NCKAP1: variants seen among roughly 807,000 people sequenced by gnomAD.
NCKAP1 encodes nck-associated protein 1.
Under a neutral mutation model 151.2 loss-of-function variants are expected in NCKAP1, and 21 were observed. The observed-to-expected ratio is 0.14, with a 90% CI of 0.10 to 0.20. The LOEUF (loss-of-function observed/expected upper bound fraction) is 0.20, where lower values mean the gene tolerates loss of function less well. Ranked by LOEUF, NCKAP1 falls within the 10% of genes least tolerant of loss-of-function variation. NCKAP1 has a pLI of 1.00. For missense variants in NCKAP1, 933 were observed against 1,352.1 expected (o/e 0.69, Z 4.86); for synonymous variants, 484 against 451.8 (o/e 1.07, Z -0.90).
At chr2:182,941,748 G>T (rs1697000477) in intron 24 of NCKAP1, among the ~76,000 whole-genome samples, 1 of 152,162 alleles carries the variant, frequency 6.6e-6, no homozygotes, top group South Asian at 2.1e-4. Context: ...AACAGGCTCA[G>T]AAGCTAATCC....
intron 8 of NCKAP1, among the ~76,000 whole-genome samples, chr2:182,989,441 C>A (rs759672176): frequency 1.3e-5 from 2 of 152,146 alleles, no homozygotes; most frequent in Non-Finnish European, 2.9e-5. Context: ...GGTTATGAAC[C>A]AAGTCATTTT....
intron 23 of NCKAP1, among the ~76,000 whole-genome samples, chr2:182,943,389 C>A (rs995362635): frequency 2.0e-5 from 3 of 152,056 alleles, no homozygotes; most frequent in African/African-American, 7.2e-5. Flanking sequence ...CAGATTGTTT[C>A]TTATTATGCT....
intron 15 of NCKAP1, 105 bp downstream of exon 15, chr2:182,976,788 A>C: frequency 1.9e-6 from 1 of 538,862 alleles, no homozygotes; most frequent in Non-Finnish European, 2.9e-6. Context: ...ATACAAAAGA[A>C]ATATTTTCAA....
chr2:183,034,493 T>C (rs952548001), intron 1 of NCKAP1, among the ~76,000 whole-genome samples: 5 of 151,912 alleles, frequency 3.3e-5, no homozygotes, highest in African/African-American at 1.2e-4. Flanking sequence ...TAATCTCATG[T>C]TGGTAATGGT....
At chr2:182,943,265 G>A (rs1417007865) in intron 23 of NCKAP1, among the ~76,000 whole-genome samples, 9 of 152,030 alleles carry the variant, frequency 5.9e-5, no homozygotes, top group Non-Finnish European at 1.2e-4. Context: ...TTTTACAAAC[G>A]AAAGGTTGAT....
chr2:182,968,033 T>C (rs950546222), intron 15 of NCKAP1, among the ~76,000 whole-genome samples: 1 of 152,176 alleles, frequency 6.6e-6, no homozygotes, highest in Non-Finnish European at 1.5e-5. Flanking sequence ...ATAAGTACTG[T>C]TTGTTACGGC....
At chr2:182,958,606 A>C (rs1391316180) in intron 18 of NCKAP1, among the ~76,000 whole-genome samples, 1 of 152,272 alleles carries the variant, frequency 6.6e-6, no homozygotes, top group Non-Finnish European at 1.5e-5. Context: ...GATCTGAGAC[A>C]GACTTCTGAG....
chr2:182,948,479 T>C (rs1697151596), intron 23 of NCKAP1, among the ~76,000 whole-genome samples: 2 of 152,098 alleles, frequency 1.3e-5, no homozygotes, highest in Admixed American at 1.3e-4. Context: ...AAGAGAGAAA[T>C]GTTAAAACAT....
At chr2:183,032,636 ATT>A (rs745674913) in intron 1 of NCKAP1, among the ~76,000 whole-genome samples, 71 of 152,332 alleles carry the variant, frequency 4.7e-4, no homozygotes, top group South Asian at 2.7e-3. Context: ...GCAGTCCATC[ATT>A]TCAGTGTTAT....
chr2:183,038,320 G>A lies in NCKAP1; in HGVS notation c.-221C>T, dbSNP rs1008640043. On this transcript the variant is annotated 5_prime_UTR_variant, in exon 1 of 31. Coordinates refer to ENST00000361354, the MANE Select transcript of NCKAP1 (RefSeq NM_013436.5). The stretch of plus-strand genomic sequence containing the variant: ...TCCCGCAGCAGCCCGCGCCCCGGCA[G>A]CCTCCTGCCTTCCGCCCGCCGCCCT... 7 of 347,008 alleles carry A rather than the reference G, an allele frequency of 2.0e-5. No individual in the cohort carries two copies. The highest frequency in any genetic ancestry group is 1.5e-4 in the African/African-American group (7 of 46,300). The allele number at this position is 347,008 out of a possible 1,614,324, so 21.5% of individuals were successfully genotyped here. A position where few individuals can be genotyped will look rare whatever the true frequency, so the allele number is the denominator to read the frequency against.
At chr2:182,953,380 C>T (rs775738044) in intron 20 of NCKAP1, 49 bp from the exon 21 acceptor site, 7 of 1,352,722 alleles carry the variant, frequency 5.2e-6, no homozygotes, top group Non-Finnish European at 7.2e-6. Context: ...CTTTTCCATT[C>T]ATGTAAAATA....
intron 17 of NCKAP1, among the ~76,000 whole-genome samples, chr2:182,964,405 T>G (rs1245319585): frequency 2.0e-5 from 3 of 152,150 alleles, no homozygotes; most frequent in South Asian, 2.1e-4. Flanking sequence ...TATATAAATC[T>G]TTTCCACAGA....
intron 2 of NCKAP1, among the ~76,000 whole-genome samples, chr2:183,006,126 A>C (rs1047197370): frequency 1.3e-5 from 2 of 152,254 alleles, no homozygotes; most frequent in African/African-American, 4.8e-5. Flanking sequence ...CTATCAGATA[A>C]GGGATTATAA....
intron 25 of NCKAP1, 120 bp downstream of exon 25, chr2:182,935,173 C>A: frequency 1.3e-6 from 1 of 770,418 alleles, no homozygotes. Context: ...TCTGTAACTA[C>A]TAAAACTGGA....
chr2:182,951,385 T>C (rs879449851), intron 23 of NCKAP1, among the ~76,000 whole-genome samples: 3 of 151,492 alleles, frequency 2.0e-5, no homozygotes, highest in Admixed American at 6.6e-5. Context: ...AAACTAAAAA[T>C]TGGCCAGGCA....
intron 1 of NCKAP1, among the ~76,000 whole-genome samples, chr2:183,029,821 GAAAA>G (rs71405500): frequency 3.9e-5 from 2 of 50,742 alleles, no homozygotes; most frequent in East Asian, 6.6e-4. Context: ...ACCCTGACTC[GAAAA>G]AAAAAAAAAA....
intron 8 of NCKAP1, among the ~76,000 whole-genome samples, chr2:182,989,655 T>A (rs946655313): frequency 6.6e-6 from 1 of 152,056 alleles, no homozygotes; most frequent in African/African-American, 2.4e-5. Flanking sequence ...GAGGTTGCAG[T>A]GAGTCGAGGT....
At chr2:183,025,001 G>A (rs375462491) in intron 1 of NCKAP1, 3 of 1,611,798 alleles carry the variant, frequency 1.9e-6, no homozygotes, top group South Asian at 1.1e-5. Context: ...CCTTGCTGGG[G>A]AAGCATTGTA....
rs536640733 is a variant in NCKAP1, at chr2:182,973,651, T to C, written c.1482+3242A>G. On this transcript the variant is annotated intron_variant, in intron 15 of 30. Transcript: ENST00000361354. ...CTACTCAACCACTACTGGCTATCTA[T>C]AGAACTCTTCACCACTCTCTGGCCA... Among the ~76,000 whole-genome samples the C allele has an allele frequency of 3.9e-5, 6 of 152,280 alleles. No individual in the cohort carries two copies. In the East Asian group the frequency reaches 9.7e-4, roughly 25 times the overall value.
Sources: allele counts gnomAD v4.1 joint callset (sites outside exome capture counted in the v4.1 genomes callset), GRCh38; gene constraint gnomAD v4.1.1; transcripts MANE v1.5; gene names NCBI Gene and HGNC (gene_info 2026-07-23, HGNC 2026-07-21).